Variants in VTA1 observed in about 807,000 individuals in gnomAD.
The protein encoded by VTA1 is vacuolar protein sorting-associated protein VTA1 homolog.
VTA1 carries 24 observed loss-of-function variants against 36.9 expected under a neutral mutation model. That is an observed-to-expected ratio of 0.65 (90% CI 0.47 to 0.91). The LOEUF is 0.91. VTA1 is among the 40% of genes least tolerant of loss of function. The probability of loss-of-function intolerance (pLI) is 0.00; values close to 1 mark genes in which losing one functional copy is unlikely to be tolerated. For synonymous variants in VTA1, 142 were observed against 130.2 expected, an observed-to-expected ratio of 1.09 and a Z score of -0.62; for missense variants, 393 against 377.2, an observed-to-expected ratio of 1.04 and a Z score of -0.35.
In VTA1 at chr6:142,208,458, A is replaced by C. The variant is rs542768295; in HGVS notation, c.778+4393A>C. ...ATAGAAATCTACCTCAGAAGACCAAATCTAAGAGCCATTGATGTTCAAGAG... is the reference window on the plus strand; with the variant it reads ...ATAGAAATCTACCTCAGAAGACCAACTCTAAGAGCCATTGATGTTCAAGAG... On this transcript the variant is annotated intron_variant, in intron 7 of 7. Transcript: ENST00000367630. Among the ~76,000 whole-genome samples, 4 of 152,280 alleles carry C rather than the reference A, an allele frequency of 2.6e-5. No individual in the cohort carries two copies. In the South Asian group the frequency reaches 8.3e-4, roughly 32 times the overall value.
chr6:142,171,856 A>G (rs527448079), intron 4 of VTA1, among the ~76,000 whole-genome samples: 1 of 152,312 alleles, frequency 6.6e-6, no homozygotes, highest in African/African-American at 2.4e-5. Context: ...ATCACTGTAT[A>G]AGGCATTTTT....
intron 1 of VTA1, among the ~76,000 whole-genome samples, chr6:142,150,928 A>G (rs1582872920): frequency 6.6e-6 from 1 of 151,738 alleles, no homozygotes; most frequent in South Asian, 2.1e-4. Context: ...AAAAAAAAAA[A>G]GCTAAGCATG....
intron 1 of VTA1, 22 bp downstream of exon 1, chr6:142,147,421 C>T: frequency 6.2e-7 from 1 of 1,607,656 alleles, no homozygotes; most frequent in Non-Finnish European, 8.5e-7. Context: ...CGAGTGGCCG[C>T]GCCCTTTCTT....
Position 142,218,690 on chromosome 6 carries a change from A to G in VTA1, c.*47A>G. The G allele has an allele frequency of 6.4e-7, 1 of 1,556,012 alleles. No individual in the cohort carries two copies. Among genetic ancestry groups the G allele is most frequent in the Non-Finnish European group, 8.6e-7 (1 of 1,156,868 alleles). ...TGTATTTTTGGCATGAGGAACTAAC[A>G]GTCCATTACTCTATCTTCAGCCTAT... On this transcript the variant is annotated 3_prime_UTR_variant, in exon 8 of 8. Coordinates refer to ENST00000367630, the MANE Select transcript of VTA1 (RefSeq NM_016485.5).
intron 3 of VTA1, 99 bp from the exon 4 acceptor site, chr6:142,170,246 CT>C: frequency 1.2e-6 from 1 of 807,984 alleles, no homozygotes. Flanking sequence ...TTTCAGAGTG[CT>C]TTTATAAAGA....
At chr6:142,189,642 CA>C in intron 5 of VTA1, 108 bp downstream of exon 5, 1 of 746,194 alleles carries the variant, frequency 1.3e-6, no homozygotes, top group East Asian at 2.8e-5. Flanking sequence ...TCATCAGGCC[CA>C]GAATCAATGA....
chr6:142,158,381 A>G (rs1778703518), intron 1 of VTA1, among the ~76,000 whole-genome samples: 2 of 152,160 alleles, frequency 1.3e-5, no homozygotes, highest in African/African-American at 4.8e-5. Flanking sequence ...CAGGTTTTTT[A>G]TTAACATACT....
chr6:142,158,621 A>G (rs1018600024), intron 1 of VTA1, among the ~76,000 whole-genome samples: 1 of 152,198 alleles, frequency 6.6e-6, no homozygotes, highest in African/African-American at 2.4e-5. Flanking sequence ...TGTTTAAAAC[A>G]TTTATAATTA....
intron 2 of VTA1, among the ~76,000 whole-genome samples, chr6:142,167,934 A>G (rs961171591): frequency 1.3e-5 from 2 of 152,236 alleles, no homozygotes; most frequent in African/African-American, 4.8e-5. Context: ...ACTTCACTGT[A>G]TAGCAGTAGT....
At chr6:142,203,198 CTT>C (rs1775723616) in intron 6 of VTA1, among the ~76,000 whole-genome samples, 1 of 151,930 alleles carries the variant, frequency 6.6e-6, no homozygotes, top group African/African-American at 2.4e-5. Flanking sequence ...TCTCTGTTTC[CTT>C]TTTCTTATTC....
intron 5 of VTA1, 79 bp downstream of exon 5, chr6:142,189,613 G>A: frequency 1.8e-6 from 2 of 1,110,582 alleles, no homozygotes; most frequent in Non-Finnish European, 2.6e-6. Flanking sequence ...TTTTTGGAGG[G>A]AACAATACAG....
intron 5 of VTA1, among the ~76,000 whole-genome samples, chr6:142,195,066 T>C (rs1775519956): frequency 6.6e-6 from 1 of 152,246 alleles, no homozygotes; most frequent in Non-Finnish European, 1.5e-5. Context: ...ATTTCAGTAT[T>C]GGTGAGGTTT....
In VTA1 at chr6:142,219,620, C is replaced by T. The variant is rs1776065930; in HGVS notation, c.*977C>T. 6.6e-6 allele frequency: 1 copy of T among 152,122 alleles called. No homozygotes were observed. The highest frequency in any genetic ancestry group is 6.6e-5 in the Admixed American group (1 of 15,264). 9.4% of individuals were successfully genotyped at this position (152,122 alleles called of 1,614,324 possible). A position where few individuals can be genotyped will look rare whatever the true frequency, so the allele number is the denominator to read the frequency against. On this transcript the variant is annotated 3_prime_UTR_variant, in exon 8 of 8. Coordinates refer to ENST00000367630, the MANE Select transcript of VTA1 (RefSeq NM_016485.5). The stretch of plus-strand genomic sequence containing the variant: ...TTCAACTTACTACAAAGACAAATGT[C>T]TGTTTTTATTTGCCTGCTAGGATTG...
chr6:142,200,360 A>G (rs1775656092), intron 6 of VTA1, among the ~76,000 whole-genome samples: 1 of 152,048 alleles, frequency 6.6e-6, no homozygotes, highest in South Asian at 2.1e-4. Context: ...TGGCAAGTTA[A>G]TGAACACTTA....
intron 1 of VTA1, among the ~76,000 whole-genome samples, chr6:142,154,741 T>G (rs747182852): frequency 1.2e-4 from 18 of 152,146 alleles, no homozygotes; most frequent in Admixed American, 2.0e-4. Flanking sequence ...CCTTTTCATG[T>G]GCTTATTTAC....
intron 1 of VTA1, among the ~76,000 whole-genome samples, chr6:142,149,789 CTT>C (rs1778532321): frequency 6.6e-6 from 1 of 152,090 alleles, no homozygotes. Context: ...TTGTTTGGGA[CTT>C]TGGCTTTCTA....
chr6:142,166,178 A>C (rs1774909396), intron 1 of VTA1, 50 bp from the exon 2 acceptor site: 1 of 1,319,536 alleles, frequency 7.6e-7, no homozygotes, highest in Non-Finnish European at 1.1e-6. Context: ...ACTCATAAAC[A>C]TGGATGTTTA....
chr6:142,211,196 TG>T (rs1775896534), intron 7 of VTA1, among the ~76,000 whole-genome samples: 1 of 151,198 alleles, frequency 6.6e-6, no homozygotes, highest in Admixed American at 6.6e-5. Flanking sequence ...AGGATGAAAG[TG>T]GAAAAAAAAG....
At chr6:142,181,368 C>G (rs534926998) in intron 4 of VTA1, among the ~76,000 whole-genome samples, 15 of 148,142 alleles carry the variant, frequency 1.0e-4, no homozygotes, top group African/African-American at 3.4e-4. Flanking sequence ...CTCCTGACCT[C>G]GTGATCCGCC....
Sources: gnomAD v4.1 joint callset for allele counts (sites outside exome capture counted in the v4.1 genomes callset) on GRCh38, gnomAD v4.1.1 for gene constraint, MANE v1.5 for transcripts, NCBI Gene and HGNC (gene_info 2026-07-23, HGNC 2026-07-21) for gene names.